The following WWOX variants were observed in gnomAD, a reference collection of about 807,000 sequenced individuals.
WWOX encodes WW domain-containing oxidoreductase.
Under a neutral mutation model 46.2 loss-of-function variants are expected in WWOX, and 69 were observed. The observed-to-expected ratio is 1.49, with a 90% confidence interval of 1.23 to 1.82. WWOX has a LOEUF of 1.82. WWOX is among the 40% of genes most tolerant of loss of function. WWOX has a pLI of 0.00. For missense variants in WWOX, 919 were observed against 542.6 expected (o/e 1.69, Z -6.89); for synonymous variants, 359 against 202.6 (o/e 1.77, Z -6.56).
intron 8 of WWOX, among the ~76,000 whole-genome samples, chr16:79,022,648 A>C (rs148984946): frequency 2.0e-5 from 3 of 152,156 alleles, no homozygotes; most frequent in African/African-American, 7.2e-5. Flanking sequence ...TGTGGCATTC[A>C]TGTAATTGGG....
At chr16:78,791,278 G>A (rs1310539219) in intron 8 of WWOX, among the ~76,000 whole-genome samples, 1 of 152,104 alleles carries the variant, frequency 6.6e-6, no homozygotes, top group Non-Finnish European at 1.5e-5. Context: ...CAGGCACTCG[G>A]GTTTCCTGTG....
chr16:78,194,567 G>A (rs925365037), intron 5 of WWOX, among the ~76,000 whole-genome samples: 27 of 135,096 alleles, frequency 2.0e-4, no homozygotes, highest in African/African-American at 6.6e-4. Flanking sequence ...CAGGCTGGGC[G>A]ACAGAGTGAG....
chr16:79,127,434 A>G (rs1052361212), intron 8 of WWOX, among the ~76,000 whole-genome samples: 2 of 152,190 alleles, frequency 1.3e-5, no homozygotes, highest in Non-Finnish European at 2.9e-5. Flanking sequence ...ATCAGCATAT[A>G]AATTATTTCT....
chr16:78,738,817 T>C (rs573353200), intron 8 of WWOX, among the ~76,000 whole-genome samples: 34 of 152,324 alleles, frequency 2.2e-4, no homozygotes, highest in Non-Finnish European at 4.3e-4. Flanking sequence ...CACAGTCTCC[T>C]AGTCCTAATA....
At chr16:78,960,597 C>G (rs879386755) in intron 8 of WWOX, among the ~76,000 whole-genome samples, 5 of 152,172 alleles carry the variant, frequency 3.3e-5, no homozygotes, top group Non-Finnish European at 7.3e-5. Flanking sequence ...TGGAACAGAT[C>G]CATTGGTCAG....
intron 8 of WWOX, among the ~76,000 whole-genome samples, chr16:79,199,766 C>G (rs928498137): frequency 2.0e-4 from 30 of 152,136 alleles, no homozygotes; most frequent in African/African-American, 6.8e-4. Flanking sequence ...CTTGACAGTT[C>G]GAAGGTCAGC....
At chr16:78,722,960 T>G (rs1386994603) in intron 8 of WWOX, among the ~76,000 whole-genome samples, 1 of 152,064 alleles carries the variant, frequency 6.6e-6, no homozygotes, top group Non-Finnish European at 1.5e-5. Context: ...GAAGATTGCT[T>G]GAGCCCAGGA....
intron 5 of WWOX, among the ~76,000 whole-genome samples, chr16:78,190,192 A>T (rs770773342): frequency 6.6e-6 from 1 of 152,202 alleles, no homozygotes; most frequent in African/African-American, 2.4e-5. Flanking sequence ...AGGCCAGACC[A>T]GTCCCTAGCC....
intron 8 of WWOX, among the ~76,000 whole-genome samples, chr16:78,753,302 G>C (rs1001640251): frequency 2.6e-5 from 4 of 151,690 alleles, no homozygotes; most frequent in Non-Finnish European, 5.9e-5. Flanking sequence ...CTGAGCGACA[G>C]AGTGAGACTC....
intron 8 of WWOX, among the ~76,000 whole-genome samples, chr16:79,131,447 G>T (rs1181423448): frequency 6.6e-6 from 1 of 152,214 alleles, no homozygotes; most frequent in Middle Eastern, 3.4e-3. Flanking sequence ...ATGGAAATTA[G>T]ATCTATCACA....
At chr16:78,929,661 C>T (rs551933035) in intron 8 of WWOX, among the ~76,000 whole-genome samples, 1 of 152,090 alleles carries the variant, frequency 6.6e-6, no homozygotes, top group Admixed American at 6.6e-5. Context: ...CGACTAAAGA[C>T]CCGCGTGGAC....
intron 8 of WWOX, among the ~76,000 whole-genome samples, chr16:78,817,052 T>C (rs1436076819): frequency 3.3e-5 from 5 of 152,122 alleles, no homozygotes; most frequent in Non-Finnish European, 7.3e-5. Flanking sequence ...TGAAGTACGT[T>C]TGTGGAAATA....
intron 5 of WWOX, among the ~76,000 whole-genome samples, chr16:78,180,947 G>T (rs190644088): frequency 1.8e-4 from 27 of 152,146 alleles, no homozygotes; most frequent in African/African-American, 6.3e-4. Context: ...TGAGATGATG[G>T]TAGGGTTTTG....
chr16:78,651,019 G>C (rs1242237712), intron 8 of WWOX, among the ~76,000 whole-genome samples: 1 of 152,192 alleles, frequency 6.6e-6, no homozygotes, highest in Non-Finnish European at 1.5e-5. Context: ...TGGCTTTTCT[G>C]CTGTTGGATT....
chr16:78,611,309 C>T (rs1597345646), intron 8 of WWOX, among the ~76,000 whole-genome samples: 1 of 152,146 alleles, frequency 6.6e-6, no homozygotes, highest in Non-Finnish European at 1.5e-5. Context: ...TTTTAAATCC[C>T]CTGTCAACGC....
chr16:79,109,300 C>T (rs1460159922), intron 8 of WWOX, among the ~76,000 whole-genome samples: 3 of 152,124 alleles, frequency 2.0e-5, no homozygotes, highest in African/African-American at 4.8e-5. Flanking sequence ...GTCTCCCAGA[C>T]CCCCAGTTTC....
Position 78,744,422 on chromosome 16 carries a change from CTTTTTTTTTT to C in WWOX, c.1056+311688_1056+311697del, listed in dbSNP as rs976073233. The stretch of plus-strand genomic sequence containing the variant: ...TAGGAAGGGCCCATGGTCCACACTG[CTTTTTTTTTT>C]TTTTTTTTTTTTTTTTTGAAACGGA... On this transcript the variant is annotated intron_variant, in intron 8 of 8. Transcript: ENST00000566780. Among the ~76,000 whole-genome samples the C allele has an allele frequency of 6.2e-3, 512 of 82,286 alleles. 7 individuals carry two copies. Among genetic ancestry groups the C allele is most frequent in the African/African-American group, 0.028 (460 of 16,372 alleles). The allele number at this position is 82,286 out of a possible 152,430, so 54.0% of individuals were successfully genotyped here.
intron 4 of WWOX, among the ~76,000 whole-genome samples, chr16:78,141,786 A>G (rs975201308): frequency 1.3e-5 from 2 of 152,184 alleles, no homozygotes; most frequent in East Asian, 1.9e-4. Flanking sequence ...TCAGTGTGTA[A>G]TTAATAAAGT....
At chr16:78,967,022 T>C (rs927932972) in intron 8 of WWOX, among the ~76,000 whole-genome samples, 5 of 152,328 alleles carry the variant, frequency 3.3e-5, no homozygotes, top group South Asian at 2.1e-4. Context: ...CTGTAGAATA[T>C]GCAGACTATT....
Sources: gnomAD v4.1 joint callset for allele counts (sites outside exome capture counted in the v4.1 genomes callset) on GRCh38, gnomAD v4.1.1 for gene constraint, MANE v1.5 for transcripts, NCBI Gene and HGNC (gene_info 2026-07-23, HGNC 2026-07-21) for gene names.